Variants in LINGO2 observed in about 807,000 individuals in gnomAD.
LINGO2 encodes leucine rich repeat and Ig domain containing 2, also known as leucine-rich repeat and immunoglobulin-like domain-containing nogo receptor-interacting protein 2.
Under a neutral mutation model 30.6 loss-of-function variants are expected in LINGO2, and 14 were observed. That is an observed-to-expected ratio of 0.46 (90% CI 0.30 to 0.72). The LOEUF is 0.72. Ranked by LOEUF, LINGO2 falls within the 30% of genes least tolerant of loss-of-function variation. The probability of loss-of-function intolerance (pLI) is 0.07; values close to 1 mark genes in which losing one functional copy is unlikely to be tolerated. For missense variants in LINGO2, 729 were observed against 751.7 expected (o/e 0.97, Z 0.35); for synonymous variants, 317 against 288.5 (o/e 1.10, Z -1.00).
At chr9:28,459,455 A>G (rs1824986836) in intron 2 of LINGO2, among the ~76,000 whole-genome samples, 1 of 152,100 alleles carries the variant, frequency 6.6e-6, no homozygotes, top group Non-Finnish European at 1.5e-5. Context: ...AAAATACATG[A>G]GAGTTGAATC....
the LINGO2 span, among the ~76,000 whole-genome samples, chr9:28,913,105 T>C: frequency 6.6e-6 from 1 of 152,124 alleles, no homozygotes; most frequent in African/African-American, 2.4e-5. Flanking sequence ...AATAATTATC[T>C]TTTTCTTTCA....
At chr9:27,947,275 T>C (rs1823400975), downstream of LINGO2, among the ~76,000 whole-genome samples, 2 of 152,216 alleles carry the variant, frequency 1.3e-5, no homozygotes, top group Non-Finnish European at 2.9e-5. Flanking sequence ...CTGAACCAGA[T>C]GACTGGTGGT....
chr9:28,343,720 A>C (rs1819453979), intron 3 of LINGO2, among the ~76,000 whole-genome samples: 2 of 152,122 alleles, frequency 1.3e-5, no homozygotes, highest in Admixed American at 1.3e-4. Flanking sequence ...GCAGGTCAAA[A>C]ATGTAGGGAA....
At chr9:28,829,180 G>A in the LINGO2 span, among the ~76,000 whole-genome samples, 91 of 152,294 alleles carry the variant, frequency 6.0e-4, no homozygotes, top group African/African-American at 2.0e-3. Flanking sequence ...CTTGATGGCA[G>A]AACTTCCTAG....
the LINGO2 span, among the ~76,000 whole-genome samples, chr9:29,080,821 AT>A: frequency 1.3e-4 from 19 of 151,976 alleles, no homozygotes; most frequent in African/African-American, 4.4e-4. Context: ...GTTTGTTATA[AT>A]TTCTGTTCTT....
intron 4 of LINGO2, among the ~76,000 whole-genome samples, chr9:28,111,621 T>A (rs937298510): frequency 6.6e-6 from 1 of 152,108 alleles, no homozygotes; most frequent in Admixed American, 6.6e-5. Context: ...TCAACAAAAA[T>A]GTGCTCCCCC....
intron 2 of LINGO2, among the ~76,000 whole-genome samples, chr9:28,425,329 G>GTGTA (rs1554719551): frequency 5.7e-5 from 8 of 139,400 alleles, no homozygotes; most frequent in Admixed American, 2.9e-4. Flanking sequence ...ATGTGTGTGT[G>GTGTA]TATATATATA....
At chr9:28,302,266 A>G (rs1824177400) in intron 3 of LINGO2, among the ~76,000 whole-genome samples, 1 of 152,212 alleles carries the variant, frequency 6.6e-6, no homozygotes, top group African/African-American at 2.4e-5. Flanking sequence ...CAGGACTTAC[A>G]TTTCATGAAG....
At chr9:28,089,052 C>A in intron 4 of LINGO2, among the ~76,000 whole-genome samples, 1 of 152,148 alleles carries the variant, frequency 6.6e-6, no homozygotes, top group Non-Finnish European at 1.5e-5. Flanking sequence ...CAGGAGCACC[C>A]AGATTCATAA....
the LINGO2 span, among the ~76,000 whole-genome samples, chr9:28,680,313 G>C: frequency 1.3e-5 from 2 of 151,948 alleles, no homozygotes; most frequent in Non-Finnish European, 2.9e-5. Flanking sequence ...TTAAGAGACT[G>C]GGTAGTATTC....
rs113052782 is a variant in LINGO2, at chr9:28,613,382, A to G, written c.-365+56818T>C. 8.8e-5 allele frequency among the ~76,000 whole-genome samples: 13 copies of G among 147,860 alleles called. 1 individual carries two copies. Among genetic ancestry groups the G allele is most frequent in the African/African-American group, 2.4e-4 (9 of 38,262 alleles). On this transcript the variant is annotated intron_variant, in intron 1 of 5. Transcript: ENST00000379992. ...AATAGTAGAATATGTGTATATACGT[A>G]TGTGTGTGTGTGTGTATATAGCTAC... is the stretch of plus-strand genomic sequence containing the variant.
chr9:29,160,598 T>C, the LINGO2 span, among the ~76,000 whole-genome samples: 8 of 147,438 alleles, frequency 5.4e-5, no homozygotes, highest in East Asian at 1.6e-3. Flanking sequence ...CATTTGATTA[T>C]AAACCAGAGA....
At chr9:29,210,340 G>C in the LINGO2 span, among the ~76,000 whole-genome samples, 1 of 152,142 alleles carries the variant, frequency 6.6e-6, no homozygotes, top group Non-Finnish European at 1.5e-5. Flanking sequence ...CTTAATAGCA[G>C]ATCTTCCTTT....
At chr9:27,946,170 T>TA, downstream of LINGO2, among the ~76,000 whole-genome samples, 1 of 152,198 alleles carries the variant, frequency 6.6e-6, no homozygotes, top group Middle Eastern at 3.4e-3. Context: ...AGCCTGAAGA[T>TA]AAACAATATT....
the LINGO2 span, among the ~76,000 whole-genome samples, chr9:29,186,231 A>T: frequency 2.6e-5 from 4 of 152,198 alleles, no homozygotes; most frequent in African/African-American, 9.6e-5. Context: ...TACTATTTTT[A>T]ACAATTCCAC....
intron 4 of LINGO2, among the ~76,000 whole-genome samples, chr9:28,164,820 T>C (rs1465481633): frequency 6.6e-6 from 1 of 152,198 alleles, no homozygotes; most frequent in Non-Finnish European, 1.5e-5. Flanking sequence ...CTTAGCCCCC[T>C]TGCACTTTCC....
intron 1 of LINGO2, among the ~76,000 whole-genome samples, chr9:28,608,015 G>T (rs10968669): frequency 0.079 from 12,056 of 151,980 alleles, 638 homozygotes; most frequent in East Asian, 0.18. Context: ...TTAATGGTTT[G>T]CATATGTTTC....
At chr9:28,048,335 A>G (rs565295290) in intron 4 of LINGO2, among the ~76,000 whole-genome samples, 2 of 151,084 alleles carry the variant, frequency 1.3e-5, no homozygotes, top group African/African-American at 4.9e-5. Context: ...GTATAACAAT[A>G]ACTAAAATTC....
intron 3 of LINGO2, among the ~76,000 whole-genome samples, chr9:28,314,508 C>G (rs539716044): frequency 1.3e-5 from 2 of 152,042 alleles, no homozygotes; most frequent in Non-Finnish European, 2.9e-5. Flanking sequence ...TTCAAGGCAC[C>G]GAGTTTATTT....
Sources: gnomAD v4.1 joint callset for allele counts (sites outside exome capture counted in the v4.1 genomes callset) on GRCh38, gnomAD v4.1.1 for gene constraint, MANE v1.5 for transcripts, NCBI Gene and HGNC (gene_info 2026-07-23, HGNC 2026-07-21) for gene names.